The following TULP3 variants were observed in gnomAD, a reference collection of about 807,000 sequenced individuals.
TULP3 encodes TUB like protein 3, also known as tubby-related protein 3.
In TULP3, 38 loss-of-function variants were observed where a neutral mutation model predicts 50.7. That is an observed-to-expected ratio of 0.75 (90% confidence interval 0.58 to 0.98). TULP3 has a LOEUF of 0.98. Ranked by LOEUF, TULP3 falls within the 50% of genes least tolerant of loss-of-function variation. The pLI is 0.00. For synonymous variants in TULP3, 183 were observed against 196.6 expected, an observed-to-expected ratio of 0.93 and a Z score of 0.58; for missense variants, 550 against 568.0, an observed-to-expected ratio of 0.97 and a Z score of 0.32.
At chr12:2,894,933 AAAAT>A (rs1431314717) in intron 1 of TULP3, among the ~76,000 whole-genome samples, 1 of 152,192 alleles carries the variant, frequency 6.6e-6, no homozygotes, top group Non-Finnish European at 1.5e-5. Flanking sequence ...AGAAATAGTG[AAAAT>A]AAATAACATT....
intron 1 of TULP3, among the ~76,000 whole-genome samples, chr12:2,898,191 A>G (rs375538516): frequency 6.1e-4 from 92 of 151,946 alleles, no homozygotes; most frequent in African/African-American, 2.1e-3. Flanking sequence ...CATTGTCCTC[A>G]CTTTGTAAAT....
At chr12:2,903,178 A>C (rs1406100153) in intron 1 of TULP3, among the ~76,000 whole-genome samples, 3 of 151,892 alleles carry the variant, frequency 2.0e-5, no homozygotes, top group African/African-American at 7.3e-5. Context: ...GGATTTTTAA[A>C]GGTAGCCAGT....
chr12:2,936,121 T>A (rs967815549), intron 8 of TULP3, among the ~76,000 whole-genome samples: 1 of 151,700 alleles, frequency 6.6e-6, no homozygotes. Flanking sequence ...ACAAAAAAAA[T>A]TAGCCAGGCG....
Position 2,940,207 on chromosome 12 carries a change from C to T in TULP3, c.*763C>T. ...ATTTTCAACCCAGGAGTGCCTCTCA[C>T]AGCTATATGACTACGGATCCATTAG... On this transcript the variant is annotated 3_prime_UTR_variant, in exon 11 of 11. Coordinates refer to ENST00000448120, the MANE Select transcript of TULP3 (RefSeq NM_003324.5). 2 of 1,331,300 alleles carry T rather than the reference C, an allele frequency of 1.5e-6. No individual in the cohort carries two copies. Among genetic ancestry groups the T allele is most frequent in the Non-Finnish European group, 2.0e-6 (2 of 1,017,414 alleles). 82.5% of individuals were successfully genotyped at this position (1,331,300 alleles called of 1,614,324 possible). A position where few individuals can be genotyped will look rare whatever the true frequency, so the allele number is the denominator to read the frequency against.
intron 1 of TULP3, among the ~76,000 whole-genome samples, chr12:2,897,251 G>A (rs951367018): frequency 2.0e-4 from 30 of 152,164 alleles, no homozygotes; most frequent in African/African-American, 6.5e-4. Flanking sequence ...CTCAGGTGAT[G>A]CACCTGCCTC....
At chr12:2,912,234 A>T (rs1444605104) in intron 2 of TULP3, among the ~76,000 whole-genome samples, 7 of 152,218 alleles carry the variant, frequency 4.6e-5, no homozygotes, top group African/African-American at 1.7e-4. Context: ...CAGTCATTTC[A>T]TCTGTAGAGT....
intron 2 of TULP3, among the ~76,000 whole-genome samples, chr12:2,910,837 C>T (rs924035434): frequency 6.6e-6 from 1 of 152,158 alleles, no homozygotes; most frequent in Non-Finnish European, 1.5e-5. Flanking sequence ...TCCCTCTGCC[C>T]GCAGAGATCA....
Position 2,926,877 on chromosome 12 carries a change from A to G in TULP3, c.395-3371A>G, listed in dbSNP as rs144105476. Among the ~76,000 whole-genome samples the G allele has an allele frequency of 1.6e-4, 25 of 152,364 alleles. No individual in the cohort carries two copies. In the East Asian group the frequency reaches 4.2e-3, roughly 26 times the overall value. On this transcript the variant is annotated intron_variant, in intron 4 of 10. Transcript: ENST00000448120. The stretch of plus-strand genomic sequence containing the variant: ...AACAGACATCGCGCCATTGCACTCC[A>G]GTCTGGGCTACAAGAGCTAGACTCT...
chr12:2,915,856 C>A (rs1238321315), intron 2 of TULP3, among the ~76,000 whole-genome samples: 1 of 150,358 alleles, frequency 6.7e-6, no homozygotes, highest in Non-Finnish European at 1.5e-5. Context: ...GATTTTTAAA[C>A]AAACTGATAG....
At chr12:2,910,524 T>G (rs931451143) in intron 2 of TULP3, among the ~76,000 whole-genome samples, 1 of 152,210 alleles carries the variant, frequency 6.6e-6, no homozygotes, top group African/African-American at 2.4e-5. Flanking sequence ...CATATTCAGG[T>G]AGCTTAGAAC....
At chr12:2,897,017 T>C (rs968854059) in intron 1 of TULP3, among the ~76,000 whole-genome samples, 1 of 152,182 alleles carries the variant, frequency 6.6e-6, no homozygotes, top group African/African-American at 2.4e-5. Flanking sequence ...TTTTGGACTT[T>C]TAAATTTTTT....
chr12:2,923,941 A>G (rs1010141416), intron 4 of TULP3, among the ~76,000 whole-genome samples: 1 of 152,106 alleles, frequency 6.6e-6, no homozygotes. Context: ...CGATTGCACC[A>G]CTGCACTCCA....
At chr12:2,905,187 CT>C (rs140761867) in intron 1 of TULP3, among the ~76,000 whole-genome samples, 31 of 143,360 alleles carry the variant, frequency 2.2e-4, no homozygotes, top group Admixed American at 2.8e-4. Flanking sequence ...TATAAAATAT[CT>C]TTTTTTTTTT....
intron 2 of TULP3, among the ~76,000 whole-genome samples, chr12:2,911,278 C>A (rs2098185297): frequency 6.6e-6 from 1 of 151,752 alleles, no homozygotes; most frequent in Non-Finnish European, 1.5e-5. Flanking sequence ...TTGATGAAAA[C>A]ATCTCTCTCT....
chr12:2,922,184 A>T, intron 3 of TULP3, 78 bp from the exon 4 acceptor site: 1 of 1,516,486 alleles, frequency 6.6e-7, no homozygotes, highest in Non-Finnish European at 8.9e-7. Flanking sequence ...CTTAATTCTG[A>T]TCACATATGC....
intron 1 of TULP3, among the ~76,000 whole-genome samples, chr12:2,895,910 A>G (rs61919381): frequency 1.8e-3 from 79 of 43,018 alleles, no homozygotes; most frequent in Middle Eastern, 0.026. Context: ...AAGTATTAGC[A>G]TATCTAAACA....
intron 4 of TULP3, among the ~76,000 whole-genome samples, chr12:2,928,226 C>A (rs2098195743): frequency 6.6e-6 from 1 of 152,202 alleles, no homozygotes; most frequent in Non-Finnish European, 1.5e-5. Context: ...GTTAACTAGA[C>A]AGAGATTAAG....
chr12:2,913,148 G>A (rs117968806), intron 2 of TULP3, among the ~76,000 whole-genome samples: 8,092 of 151,086 alleles, frequency 0.054, 304 homozygotes, highest in Non-Finnish European at 0.081. Flanking sequence ...GTGTGAAGTG[G>A]TATCTCATTG....
Position 2,926,406 on chromosome 12 carries a change from C to T in TULP3, c.395-3842C>T, listed in dbSNP as rs533415040. Among the ~76,000 whole-genome samples the T allele has an allele frequency of 2.1e-3, 316 of 152,202 alleles. 1 individual carries two copies. The highest frequency in any genetic ancestry group is 2.1e-3 in the Non-Finnish European group (142 of 68,004). On this transcript the variant is annotated intron_variant, in intron 4 of 10. Coordinates refer to ENST00000448120, the MANE Select transcript of TULP3 (RefSeq NM_003324.5). Reference sequence around the variant, plus strand: ...CTGAGGTGGGAGGATCACTTGAGCCCGGGAAGTTGAGGCTGCACTGAGCAG... The same window carrying T: ...CTGAGGTGGGAGGATCACTTGAGCCTGGGAAGTTGAGGCTGCACTGAGCAG...
Sources: gnomAD v4.1 joint callset for allele counts (sites outside exome capture counted in the v4.1 genomes callset) on GRCh38, gnomAD v4.1.1 for gene constraint, MANE v1.5 for transcripts, NCBI Gene and HGNC (gene_info 2026-07-23, HGNC 2026-07-21) for gene names.